The following DMD variants were observed in gnomAD, a reference collection of about 807,000 sequenced individuals.
DMD encodes dystrophin.
A neutral mutation model predicts 330.1 loss-of-function variants in DMD; 63 were observed. The observed-to-expected ratio is 0.19, with a 90% CI of 0.16 to 0.24. The LOEUF is 0.24. DMD is among the 10% of genes least tolerant of loss of function. The probability of loss-of-function intolerance (pLI) is 1.00; values close to 1 mark genes in which losing one functional copy is unlikely to be tolerated. For missense variants in DMD, 3,344 were observed against 2,684.1 expected, an observed-to-expected ratio of 1.25 and a Z score of -5.43; for synonymous variants, 1,223 against 959.8, an observed-to-expected ratio of 1.27 and a Z score of -5.07.
intron 51 of DMD, among the ~76,000 whole-genome samples, chrX:31,741,241 C>T (rs749790559): frequency 8.9e-6 from 1 of 111,866 alleles, no homozygotes; most frequent in African/African-American, 3.2e-5. Context: ...TACTTCCAAA[C>T]TCCTGATAAT....
chrX:31,317,370 T>C (rs1033372214), intron 62 of DMD, among the ~76,000 whole-genome samples: 4 of 111,365 alleles, frequency 3.6e-5, no homozygotes, highest in African/African-American at 1.3e-4. Context: ...TTACCAGAAA[T>C]AGCACAAAAT....
chrX:31,988,026 C>A (rs1246743196), intron 44 of DMD, among the ~76,000 whole-genome samples: 1 of 111,800 alleles, frequency 8.9e-6, no homozygotes, highest in Non-Finnish European at 1.9e-5. Context: ...AAAATCCTGT[C>A]ATTTATGACA....
At chrX:33,040,964 G>T (rs1041291839) in intron 1 of DMD, among the ~76,000 whole-genome samples, 2 of 111,886 alleles carry the variant, frequency 1.8e-5, no homozygotes, top group African/African-American at 6.5e-5. Flanking sequence ...AGATACTAAA[G>T]AAAACATCCA....
At chrX:32,887,981 A>G (rs1364140264) in intron 2 of DMD, among the ~76,000 whole-genome samples, 2 of 109,736 alleles carry the variant, frequency 1.8e-5, no homozygotes, top group Non-Finnish European at 3.8e-5. Context: ...ACTCTGATTA[A>G]TATCCAAAAA....
chrX:33,203,964 C>G (rs751162703), intron 1 of DMD, among the ~76,000 whole-genome samples: 12 of 111,466 alleles, frequency 1.1e-4, no homozygotes, highest in African/African-American at 3.9e-4. Flanking sequence ...TGCAATACAA[C>G]ACCAATTCCT....
intron 7 of DMD, among the ~76,000 whole-genome samples, chrX:32,727,407 A>AG (rs1448132810): frequency 5.2e-4 from 58 of 111,206 alleles, no homozygotes; most frequent in Middle Eastern, 9.2e-3. Context: ...GCAGAACTCT[A>AG]AATTCTGATT....
intron 13 of DMD, among the ~76,000 whole-genome samples, chrX:32,584,671 C>T (rs2054027618): frequency 8.9e-6 from 1 of 111,929 alleles, no homozygotes; most frequent in Non-Finnish European, 1.9e-5. Context: ...TAAAAAACTG[C>T]ATATATAAAA....
chrX:33,153,134 G>T lies in DMD; in HGVS notation c.31+58148C>A, dbSNP rs143659378. 4.2e-3 allele frequency among the ~76,000 whole-genome samples: 477 copies of T among 112,949 alleles called. 1 individual carries two copies. Among genetic ancestry groups the T allele is most frequent in the African/African-American group, 0.015 (461 of 31,195 alleles). On this transcript the variant is annotated intron_variant, in intron 1 of 78. Transcript: ENST00000357033. ...TATGTGGTCAAAAACAACTAGGCAG[G>T]GGGCGTTGGCTCACGCCTGTAATCC...
chrX:32,637,137 A>T (rs919643733), intron 11 of DMD, among the ~76,000 whole-genome samples: 2 of 112,208 alleles, frequency 1.8e-5, no homozygotes, highest in Non-Finnish European at 3.8e-5. Context: ...ACAAATATGA[A>T]TATATCACGT....
intron 55 of DMD, among the ~76,000 whole-genome samples, chrX:31,589,382 T>G (rs2076764192): frequency 9.0e-6 from 1 of 111,200 alleles, no homozygotes; most frequent in Non-Finnish European, 1.9e-5. Flanking sequence ...TTTCCTGCTA[T>G]CTCCCTGACT....
chrX:31,331,444 AAAG>A (rs957641934), intron 61 of DMD, among the ~76,000 whole-genome samples: 3 of 111,318 alleles, frequency 2.7e-5, no homozygotes, highest in Non-Finnish European at 5.7e-5. Context: ...TGAAAAAAAA[AAAG>A]AAAAAAAAGC....
At chrX:32,376,351 A>C (rs1044536103) in intron 34 of DMD, among the ~76,000 whole-genome samples, 6 of 111,471 alleles carry the variant, frequency 5.4e-5, no homozygotes, top group Non-Finnish European at 1.1e-4. Flanking sequence ...AATTCATCTC[A>C]ATGCTAGTAG....
chrX:31,345,519 G>A (rs1051925874), intron 61 of DMD, among the ~76,000 whole-genome samples: 9 of 111,928 alleles, frequency 8.0e-5, no homozygotes. Context: ...GGGAGTCAGG[G>A]AGAAGAAAAT....
intron 47 of DMD, among the ~76,000 whole-genome samples, chrX:31,907,609 A>C (rs1291523741): frequency 3.6e-5 from 4 of 112,287 alleles, no homozygotes; most frequent in Non-Finnish European, 7.5e-5. Context: ...TAAAACCATA[A>C]AACCCTAGAA....
At chrX:32,787,063 G>A (rs1569521548) in intron 7 of DMD, among the ~76,000 whole-genome samples, 1 of 111,233 alleles carries the variant, frequency 9.0e-6, no homozygotes, top group Non-Finnish European at 1.9e-5. Flanking sequence ...ATGACTACAA[G>A]AGAAAACCTA....
chrX:31,575,174 T>C (rs1296378245), intron 55 of DMD, among the ~76,000 whole-genome samples: 1 of 112,012 alleles, frequency 8.9e-6, no homozygotes, highest in African/African-American at 3.2e-5. Context: ...ATTTAAAAAG[T>C]CTGCTCTGTT....
intron 2 of DMD, among the ~76,000 whole-genome samples, chrX:32,884,734 C>T (rs184251675): frequency 8.9e-6 from 1 of 111,821 alleles, no homozygotes; most frequent in East Asian, 2.8e-4. Context: ...CCATGAAATA[C>T]ACTAGGTTCA....
chrX:32,586,870 C>T (rs1043790056), intron 13 of DMD, among the ~76,000 whole-genome samples: 1 of 110,983 alleles, frequency 9.0e-6, no homozygotes, highest in Non-Finnish European at 1.9e-5. Flanking sequence ...TGTAAAACTC[C>T]TGAAAAATAA....
chrX:31,169,012 A>G (rs1029168985), intron 74 of DMD, among the ~76,000 whole-genome samples: 1 of 112,192 alleles, frequency 8.9e-6, no homozygotes, highest in African/African-American at 3.2e-5. Flanking sequence ...AAATAAGATG[A>G]AACAATTGGT....
Sources: gnomAD v4.1 joint callset for allele counts (sites outside exome capture counted in the v4.1 genomes callset) on GRCh38, gnomAD v4.1.1 for gene constraint, MANE v1.5 for transcripts, NCBI Gene and HGNC (gene_info 2026-07-23, HGNC 2026-07-21) for gene names.